SAMD5: variants seen among roughly 807,000 people sequenced by gnomAD.
The protein encoded by SAMD5 is sterile alpha motif domain-containing protein 5.
SAMD5 carries 13 observed loss-of-function variants against 11.3 expected under a neutral mutation model. That is an observed-to-expected ratio of 1.15 (90% CI 0.75 to 1.83). The LOEUF (loss-of-function observed/expected upper bound fraction) is 1.83. SAMD5 is among the 40% of genes most tolerant of loss of function. The probability of loss-of-function intolerance (pLI) is 0.00; values close to 1 mark genes in which losing one functional copy is unlikely to be tolerated. For synonymous variants in SAMD5, 129 were observed against 111.3 expected (o/e 1.16, Z -1.00); for missense variants, 255 against 239.1 (o/e 1.07, Z -0.44).
At chr6:147,872,395 G>C in the SAMD5 span, among the ~76,000 whole-genome samples, 1 of 152,140 alleles carries the variant, frequency 6.6e-6, no homozygotes, top group South Asian at 2.1e-4. Flanking sequence ...ACCTGTGCCT[G>C]GTCTATTATG....
the SAMD5 span, among the ~76,000 whole-genome samples, chr6:147,823,503 C>T: frequency 6.6e-6 from 1 of 152,176 alleles, no homozygotes; most frequent in Non-Finnish European, 1.5e-5. Context: ...GGAACAGAAC[C>T]TGCGGTCTCG....
chr6:147,736,432 GAA>G (rs1583159166), intron 1 of SAMD5, among the ~76,000 whole-genome samples: 1 of 151,978 alleles, frequency 6.6e-6, no homozygotes, highest in African/African-American at 2.4e-5. Flanking sequence ...CATAAATCGA[GAA>G]AAGTCTTGCT....
chr6:147,665,509 C>T (rs2128454871), intron 1 of SAMD5, among the ~76,000 whole-genome samples: 1 of 152,284 alleles, frequency 6.6e-6, no homozygotes, highest in East Asian at 1.9e-4. Context: ...TGAGTGAAGA[C>T]CAGGCTGCCC....
At chr6:147,559,603 AT>A (rs1390193882) in intron 1 of SAMD5, among the ~76,000 whole-genome samples, 1 of 152,166 alleles carries the variant, frequency 6.6e-6, no homozygotes, top group Non-Finnish European at 1.5e-5. Flanking sequence ...AGTAGAGAAA[AT>A]TATTTCACTT....
chr6:147,774,910 A>G, the SAMD5 span, among the ~76,000 whole-genome samples: 2 of 152,152 alleles, frequency 1.3e-5, no homozygotes, highest in South Asian at 4.1e-4. Flanking sequence ...TAAAAATAAC[A>G]TGCAAAGGCA....
chr6:147,897,943 T>TAAAAAAAAAAAAA, the SAMD5 span, among the ~76,000 whole-genome samples: 3 of 89,638 alleles, frequency 3.3e-5, 1 homozygote, highest in South Asian at 3.9e-4. Context: ...AGATTTTTCT[T>TAAAAAAAAAAAAA]AAAAAAAAAA....
At chr6:147,706,217 G>GT (rs1199927542) in intron 1 of SAMD5, among the ~76,000 whole-genome samples, 1 of 151,820 alleles carries the variant, frequency 6.6e-6, no homozygotes, top group Non-Finnish European at 1.5e-5. Context: ...ACAAATCTGG[G>GT]TTTTTTTGTT....
chr6:147,884,387 A>C, the SAMD5 span, among the ~76,000 whole-genome samples: 1 of 152,216 alleles, frequency 6.6e-6, no homozygotes. Context: ...GGACACCTGC[A>C]GTTGCAGAGT....
chr6:147,827,656 C>T, the SAMD5 span, among the ~76,000 whole-genome samples: 3 of 152,216 alleles, frequency 2.0e-5, no homozygotes, highest in Non-Finnish European at 4.4e-5. Flanking sequence ...GGAACAGCTA[C>T]TTCTACTAGA....
the SAMD5 span, among the ~76,000 whole-genome samples, chr6:147,864,587 C>T: frequency 6.6e-6 from 1 of 152,194 alleles, no homozygotes; most frequent in Non-Finnish European, 1.5e-5. Flanking sequence ...AGACCTTTTA[C>T]AAAACCTATT....
the SAMD5 span, among the ~76,000 whole-genome samples, chr6:147,815,096 G>T: frequency 2.0e-5 from 3 of 152,114 alleles, no homozygotes; most frequent in Non-Finnish European, 4.4e-5. Context: ...TTAAGAAAAT[G>T]GTTTGGGAGT....
At chr6:147,515,575 T>A (rs370666474) in intron 1 of SAMD5, among the ~76,000 whole-genome samples, 7 of 152,088 alleles carry the variant, frequency 4.6e-5, no homozygotes, top group Admixed American at 4.6e-4. Flanking sequence ...CATTCATCTA[T>A]CCTTCCATTT....
chr6:147,879,529 A>G, the SAMD5 span, among the ~76,000 whole-genome samples: 1 of 152,336 alleles, frequency 6.6e-6, no homozygotes, highest in South Asian at 2.1e-4. Context: ...CAATTACAGC[A>G]CGTATGTATT....
the SAMD5 span, among the ~76,000 whole-genome samples, chr6:147,795,373 T>A: frequency 7.1e-6 from 1 of 141,466 alleles, no homozygotes; most frequent in African/African-American, 2.8e-5. Context: ...ATTTCATCCA[T>A]GTCCCTACAA....
chr6:147,938,239 A>C, the SAMD5 span, among the ~76,000 whole-genome samples: 2 of 143,568 alleles, frequency 1.4e-5, no homozygotes, highest in South Asian at 2.5e-4. Context: ...TGTTTTGATG[A>C]CAATGGAGGG....
At chr6:147,620,879 CAA>C (rs1179866803) in intron 1 of SAMD5, among the ~76,000 whole-genome samples, 1 of 151,802 alleles carries the variant, frequency 6.6e-6, no homozygotes, top group Non-Finnish European at 1.5e-5. Flanking sequence ...AGAAGGGAGA[CAA>C]AGTTAGAAGA....
At chr6:147,790,868 C>G in the SAMD5 span, among the ~76,000 whole-genome samples, 1 of 142,686 alleles carries the variant, frequency 7.0e-6, no homozygotes, top group East Asian at 2.2e-4. Flanking sequence ...GCAAACTTTT[C>G]ATCTGCTTCC....
chr6:147,597,019 T>C (rs892231434), intron 1 of SAMD5, among the ~76,000 whole-genome samples: 1 of 152,170 alleles, frequency 6.6e-6, no homozygotes, highest in Non-Finnish European at 1.5e-5. Flanking sequence ...TTCTGGGTTA[T>C]GGTGGGAATG....
At chr6:147,554,340 C>G (rs148498809) in intron 1 of SAMD5, among the ~76,000 whole-genome samples, 3 of 152,276 alleles carry the variant, frequency 2.0e-5, no homozygotes, top group Non-Finnish European at 2.9e-5. Flanking sequence ...TATCAACATG[C>G]AAATGTGCCT....
Sources: gnomAD v4.1 joint callset for allele counts (sites outside exome capture counted in the v4.1 genomes callset) on GRCh38, gnomAD v4.1.1 for gene constraint, MANE v1.5 for transcripts, NCBI Gene and HGNC (gene_info 2026-07-23, HGNC 2026-07-21) for gene names.